CABIN1: variants seen among roughly 807,000 people sequenced by gnomAD.
CABIN1 encodes calcineurin binding protein 1, also known as calcineurin-binding protein cabin-1.
CABIN1 carries 133 observed loss-of-function variants against 227.7 expected under a neutral mutation model. The ratio of observed to expected loss-of-function variants is 0.58; its 90% confidence interval spans 0.51 to 0.67. The LOEUF (loss-of-function observed/expected upper bound fraction) is 0.67. CABIN1 is among the 30% of genes least tolerant of loss of function. The pLI, the probability that CABIN1 is intolerant of heterozygous loss-of-function variation, is 0.00. For synonymous variants in CABIN1, 1,086 were observed against 1,155.1 expected, an observed-to-expected ratio of 0.94 and a Z score of 1.21; for missense variants, 2,408 against 2,852.5, an observed-to-expected ratio of 0.84 and a Z score of 3.55.
At chr22:24,049,005 G>A (rs1283558296) in intron 6 of CABIN1, 86 bp from the exon 7 acceptor site, 1 of 1,480,746 alleles carries the variant, frequency 6.8e-7, no homozygotes, top group Non-Finnish European at 9.4e-7. Context: ...TTGATTCTAG[G>A]AGCAGGATTT....
At chr22:24,084,808 G>C (rs572670421) in intron 21 of CABIN1, 23 bp downstream of exon 21, 11 of 1,610,092 alleles carry the variant, frequency 6.8e-6, no homozygotes, top group Non-Finnish European at 9.3e-6. Context: ...CCTTGAGGAC[G>C]TGGGGGACAG....
At chr22:24,079,876 A>G (rs1257031794) in intron 19 of CABIN1, among the ~76,000 whole-genome samples, 2 of 151,870 alleles carry the variant, frequency 1.3e-5, no homozygotes, top group African/African-American at 4.8e-5. Flanking sequence ...TTCTATTTCT[A>G]TTTCTGTGCA....
At chr22:24,078,978 G>C (rs2040623983) in intron 19 of CABIN1, among the ~76,000 whole-genome samples, 1 of 151,966 alleles carries the variant, frequency 6.6e-6, no homozygotes, top group Non-Finnish European at 1.5e-5. Context: ...ACCTCTTGCA[G>C]CTTGCTTTTA....
At chr22:24,150,301 G>A (rs1326846396) in intron 29 of CABIN1, among the ~76,000 whole-genome samples, 3 of 152,234 alleles carry the variant, frequency 2.0e-5, no homozygotes, top group Non-Finnish European at 2.9e-5. Context: ...TCCTCAGCAA[G>A]TGTGCTTGGG....
intron 29 of CABIN1, among the ~76,000 whole-genome samples, chr22:24,154,154 C>A (rs534919203): frequency 3.3e-5 from 5 of 152,334 alleles, no homozygotes; most frequent in African/African-American, 1.2e-4. Flanking sequence ...ACAGTTTCTT[C>A]CTGGCCTGGG....
chr22:24,096,034 G>A lies in CABIN1; in HGVS notation c.3890G>A (p.Gly1297Glu). The A allele has an allele frequency of 6.2e-7, 1 of 1,614,162 alleles. No individual in the cohort carries two copies. The highest frequency in any genetic ancestry group is 8.5e-7 in the Non-Finnish European group (1 of 1,180,028). ...LVNFMKEAAE[G>E]PFARGEEKNT... ...AACTTTATGAAGGAGGCTGCAGAAG[G>A]ACCCTTTGCCAGGGGCGAGGAGAAG... Residue 1297 changes from glycine (G) to glutamate (E), a missense_variant, in exon 25 of 37, where the codon GGA becomes GAA. Gly to Glu is a moderately conservative substitution (Grantham distance 98). Around this residue, in one of 3 missense-constraint regions of CABIN1, gnomAD observed 649 missense variants for 910.3 expected, o/e 0.71. Transcript: ENST00000263119.
rs771011930 is a variant in CABIN1 at position 24,156,096 on chromosome 22, GGGGGCCGGGACT to G, written c.4747-8282_4747-8271del. On this transcript the variant is annotated intron_variant, in intron 29 of 36. Transcript: ENST00000263119. The stretch of plus-strand genomic sequence containing the variant: ...CGGCGGGTAGGAACTTGGCGGGGGC[GGGGGCCGGGACT>G]GGGGCCGGGACTGGGGCCGGGGCTG... The G allele has an allele frequency of 2.3e-3, 967 of 414,570 alleles. 9 individuals are homozygous for G. The highest frequency in any genetic ancestry group is 9.5e-3 in the East Asian group (264 of 27,820). 25.7% of individuals were successfully genotyped at this position (414,570 alleles called of 1,614,324 possible).
chr22:24,167,048 C>T lies in CABIN1; in HGVS notation c.5417C>T (p.Ala1806Val). The change falls in exon 32 of 37, where the codon GCC becomes GTC. Residue 1806 changes from alanine (A) to valine (V), a missense_variant. By Grantham distance (64) the Ala-to-Val change is moderately conservative. Coordinates refer to ENST00000263119, the MANE Select transcript of CABIN1 (RefSeq NM_012295.4). Reference sequence around the variant, plus strand: ...TCCCTGGAGGAGCTGAGCATCAGTGCCCGGCAGCAGCCCACCCCGCTCACC... The same window carrying T: ...TCCCTGGAGGAGCTGAGCATCAGTGTCCGGCAGCAGCCCACCCCGCTCACC... ...ELSLEELSIS[A>V]RQQPTPLTPA... 3.9e-6 allele frequency: 6 copies of T among 1,546,814 alleles called. No homozygotes were observed. The highest frequency in any genetic ancestry group is 5.2e-6 in the Non-Finnish European group (6 of 1,145,906).
intron 1 of CABIN1, among the ~76,000 whole-genome samples, chr22:24,028,354 A>G (rs1354463892): frequency 6.6e-6 from 1 of 152,192 alleles, no homozygotes; most frequent in African/African-American, 2.4e-5. Context: ...TTAAAGTCCT[A>G]TTTCAGCTGA....
At chr22:24,073,109 C>T (rs1202705464) in intron 18 of CABIN1, among the ~76,000 whole-genome samples, 2 of 152,134 alleles carry the variant, frequency 1.3e-5, no homozygotes, top group Non-Finnish European at 2.9e-5. Context: ...GAGGGCGAGC[C>T]CCAGACCCTT....
At chr22:24,166,021 G>A (rs1368368011) in intron 31 of CABIN1, among the ~76,000 whole-genome samples, 4 of 152,194 alleles carry the variant, frequency 2.6e-5, no homozygotes, top group African/African-American at 9.6e-5. Context: ...TCTCACAGCT[G>A]AGCACCTGGA....
At chr22:24,149,353 G>A (rs755298809) in intron 29 of CABIN1, among the ~76,000 whole-genome samples, 1 of 152,336 alleles carries the variant, frequency 6.6e-6, no homozygotes. Context: ...GGAGGGTCAC[G>A]TGAGAACACT....
At chr22:24,015,828 C>T (rs2035237078) in intron 1 of CABIN1, among the ~76,000 whole-genome samples, 1 of 151,954 alleles carries the variant, frequency 6.6e-6, no homozygotes, top group African/African-American at 2.4e-5. Flanking sequence ...CATGGTGGTG[C>T]ATGCATGTAG....
rs369535145 is a variant in CABIN1, at chr22:24,147,453, C to CT, written c.4746+13048dup. Among the ~76,000 whole-genome samples, 1,673 of 138,576 alleles carry CT rather than the reference C, an allele frequency of 0.012. 62 individuals carry two copies. The East Asian group carries it at 0.14, about 12-fold the overall frequency. 90.9% of individuals were successfully genotyped at this position (138,576 alleles called of 152,430 possible). Reference sequence around the variant, plus strand: ...TTTCTTTTCTTTTCTTTCTTTCTTTCTTTTTTTTTTGAGACAGGGCTTCAC... The same window carrying CT: ...TTTCTTTTCTTTTCTTTCTTTCTTTCTTTTTTTTTTTGAGACAGGGCTTCAC... On this transcript the variant is annotated intron_variant, in intron 29 of 36. Transcript: ENST00000263119.
At position 24,064,512 on chromosome 22, in the gene CABIN1, G is replaced by GTTT. The variant is rs782268156; in HGVS notation, c.2037+346_2037+348dup. Reference sequence around the variant, plus strand: ...GTGAGCCACTGTGCCCAGCTGAAAGGTTTTTTTTTTTTTTTTTTTTTTTAT... The same window carrying GTTT: ...GTGAGCCACTGTGCCCAGCTGAAAGGTTTTTTTTTTTTTTTTTTTTTTTTTTAT... On this transcript the variant is annotated intron_variant, in intron 15 of 36. Coordinates refer to ENST00000263119, the MANE Select transcript of CABIN1 (RefSeq NM_012295.4). 3.1e-3 allele frequency among the ~76,000 whole-genome samples: 326 copies of GTTT among 106,856 alleles called. 9 individuals carry two copies. The highest frequency in any genetic ancestry group is 5.8e-3 in the African/African-American group (160 of 27,448). 70.1% of individuals were successfully genotyped at this position (106,856 alleles called of 152,430 possible).
chr22:24,107,620 T>C (rs963280821), intron 26 of CABIN1, among the ~76,000 whole-genome samples: 1 of 152,224 alleles, frequency 6.6e-6, no homozygotes, highest in African/African-American at 2.4e-5. Flanking sequence ...TCTGGCCACC[T>C]TCACTGCCTG....
Position 24,036,184 on chromosome 22 carries a change from A to T in CABIN1, c.96+3A>T, listed in dbSNP as rs1280744481. ...AAACCCAGACAAAGGAGGCTCAGGT[A>T]CGTAATGCGAGGTCTTCTCTGTAGG... On this transcript the variant is annotated splice_donor_region_variant and intron_variant, in intron 3 of 36. Transcript: ENST00000263119. The T allele has an allele frequency of 6.2e-7, 1 of 1,603,310 alleles. No individual in the cohort carries two copies. The highest frequency in any genetic ancestry group is 8.5e-7 in the Non-Finnish European group (1 of 1,170,288).
At chr22:24,073,564 T>G (rs994786115) in intron 18 of CABIN1, among the ~76,000 whole-genome samples, 1 of 151,664 alleles carries the variant, frequency 6.6e-6, no homozygotes, top group African/African-American at 2.4e-5. Context: ...CAGGGCTCTG[T>G]GGCTAGGATA....
At chr22:24,101,159 C>A (rs1055234914) in intron 26 of CABIN1, among the ~76,000 whole-genome samples, 3 of 152,230 alleles carry the variant, frequency 2.0e-5, no homozygotes, top group African/African-American at 7.2e-5. Context: ...GGGAGCCAGG[C>A]GTCAGGACTT....
Sources: gnomAD v4.1 joint callset for allele counts (sites outside exome capture counted in the v4.1 genomes callset) on GRCh38, gnomAD v4.1.1 for gene constraint, gnomAD v4.1.1 regional missense constraint, MANE v1.5 for transcripts, NCBI Gene and HGNC (gene_info 2026-07-23, HGNC 2026-07-21) for gene names.